Variants in SLC39A3 observed in about 807,000 individuals in gnomAD.
SLC39A3 encodes the protein solute carrier family 39 member 3.
In SLC39A3, 3 loss-of-function variants were observed where a neutral mutation model predicts 5.1. The ratio of observed to expected loss-of-function variants is 0.59; its 90% CI spans 0.27 to 1.54. SLC39A3 has a LOEUF of 1.54. Ranked by LOEUF, SLC39A3 falls within the 40% of genes most tolerant of loss-of-function variation. The pLI is 0.12. For synonymous variants in SLC39A3, 250 were observed against 218.8 expected (o/e 1.14, Z -1.26); for missense variants, 412 against 436.4 (o/e 0.94, Z 0.50).
chr19:2,738,835 G>T (rs1263654786), intron 1 of SLC39A3, among the ~76,000 whole-genome samples: 1 of 152,022 alleles, frequency 6.6e-6, no homozygotes, highest in African/African-American at 2.4e-5. Flanking sequence ...TACTTGGGAG[G>T]CTGAGGCAGG....
At position 2,733,889 on chromosome 19, in the gene SLC39A3, C is replaced by T. The variant is rs1164436799; in HGVS notation, c.211-404G>A. On this transcript the variant is annotated intron_variant, in intron 2 of 2. Transcript: ENST00000269740. The surrounding 1 kb of genome is among the most constrained non-coding windows in gnomAD (Gnocchi z 6.1). ...CCAGGAGGCAGAGGTTGCAGTGAGA[C>T]GAGATCGTGCCACTGCACTCCAGCC... Among the ~76,000 whole-genome samples the T allele has an allele frequency of 6.6e-6, 1 of 152,188 alleles. No homozygotes were observed. Among genetic ancestry groups the T allele is most frequent in the African/African-American group, 2.4e-5 (1 of 41,448 alleles).
Position 2,733,224 on chromosome 19 carries a change from T to C in SLC39A3, c.472A>G (p.Ser158Gly). Reference sequence around the variant, plus strand: ...CTGGCGCGCGAGAGGCCCTGCACGCTCAGGCTGGGGCCGTGGCCGTGGGGC... The same window carrying C: ...CTGGCGCGCGAGAGGCCCTGCACGCCCAGGCTGGGGCCGTGGCCGTGGGGC... The part of the protein sequence containing the change: ...VEPHGHGPSL[S>G]VQGLSRASPV... The change falls in exon 3 of 3, where the codon AGC becomes GGC. Residue 158 changes from serine (S) to glycine (G), a missense_variant. Physicochemically the swap from Ser to Gly is moderately conservative, Grantham distance 56. Coordinates refer to ENST00000269740, the MANE Select transcript of SLC39A3 (RefSeq NM_144564.5). This position sits in a 1 kb window ranked among gnomAD's most constrained non-coding sequence, Gnocchi z 6.1. 6.2e-7 allele frequency: 1 copy of C among 1,607,666 alleles called. No homozygotes were observed. The highest frequency in any genetic ancestry group is 1.1e-5 in the South Asian group (1 of 90,734).
In SLC39A3 at chr19:2,734,636, G is replaced by T. The variant is rs1348982879; in HGVS notation, c.211-1151C>A. On this transcript the variant is annotated intron_variant, in intron 2 of 2. Coordinates refer to ENST00000269740, the MANE Select transcript of SLC39A3 (RefSeq NM_144564.5). This position sits in a 1 kb window ranked among gnomAD's most constrained non-coding sequence, Gnocchi z 4.6. ...GTCCTGGGCACTGCAGGGTGCTGCT[G>T]AGCAGTGTCTCTGGCCTCCACCCAC... 3.0e-6 allele frequency: 2 copies of T among 661,758 alleles called. No homozygotes were observed. The highest frequency in any genetic ancestry group is 3.7e-6 in the Non-Finnish European group (2 of 534,294). 41.0% of individuals were successfully genotyped at this position (661,758 alleles called of 1,614,324 possible). A position where few individuals can be genotyped will look rare whatever the true frequency, so the allele number is the denominator to read the frequency against.
Position 2,737,336 on chromosome 19 carries a change from C to A in SLC39A3, c.-79G>T, listed in dbSNP as rs1054693303. On this transcript the variant is annotated 5_prime_UTR_variant, in exon 2 of 3. Transcript: ENST00000269740. ...ACACCCAAGTCCCACGATGTGCTAC[C>A]GAGCCCAACCACACAGTTGGAGGCT... 1.3e-6 allele frequency: 2 copies of A among 1,507,656 alleles called. No individual in the cohort carries two copies. The highest frequency in any genetic ancestry group is 1.8e-6 in the Non-Finnish European group (2 of 1,122,294). The allele number at this position is 1,507,656 out of a possible 1,614,324, so 93.4% of individuals were successfully genotyped here. A position where few individuals can be genotyped will look rare whatever the true frequency, so the allele number is the denominator to read the frequency against.
In SLC39A3 at chr19:2,733,553, C is replaced by G; in HGVS notation, c.211-68G>C. The G allele has an allele frequency of 6.6e-7, 1 of 1,525,972 alleles. No individual in the cohort carries two copies. The highest frequency in any genetic ancestry group is 8.8e-7 in the Non-Finnish European group (1 of 1,140,042). 94.5% of individuals were successfully genotyped at this position (1,525,972 alleles called of 1,614,324 possible). On this transcript the variant is annotated intron_variant, in intron 2 of 2. Transcript: ENST00000269740. The surrounding 1 kb of genome is among the most constrained non-coding windows in gnomAD (Gnocchi z 6.1). ...CAGGGGTGGCGGCGACAGGGCTGGC[C>G]AGATGTCACCGTTCAAAGCAAAGTC... is the stretch of plus-strand genomic sequence containing the variant.
rs920616873 is a variant in SLC39A3, at chr19:2,734,806, G to C, written c.211-1321C>G. On this transcript the variant is annotated intron_variant, in intron 2 of 2. Transcript: ENST00000269740. The surrounding 1 kb of genome is among the most constrained non-coding windows in gnomAD (Gnocchi z 4.6). ...GGAGAAGCCACTTAACTCCCTCACT[G>C]ACCACCGGCTGGAGGCCTCATGCAT... 1.0e-6 allele frequency: 1 copy of C among 985,398 alleles called. No homozygotes were observed. The highest frequency in any genetic ancestry group is 1.7e-5 in the African/African-American group (1 of 57,256). The allele number at this position is 985,398 out of a possible 1,614,324, so 61.0% of individuals were successfully genotyped here.
Position 2,733,441 on chromosome 19 carries a change from C to T in SLC39A3, c.255G>A (p.Pro85=), listed in dbSNP as rs1036904376. Residue 85 remains proline (P), a synonymous_variant, in exon 3 of 3, where the codon CCG becomes CCA. Transcript: ENST00000269740. The surrounding 1 kb of genome is among the most constrained non-coding windows in gnomAD (Gnocchi z 6.1). ...CCAGCAGGAGGATGGTTTCGGCCAG[C>T]GGGTAGTCGGTGCTGATGTGGCCGA... The part of the protein sequence containing the change: ...LSLGHISTDY[P]LAETILLLGF... 2.2e-5 allele frequency: 35 copies of T among 1,612,690 alleles called. No homozygotes were observed. Among genetic ancestry groups the T allele is most frequent in the Middle Eastern group, 1.6e-4 (1 of 6,084 alleles).
Position 2,733,502 on chromosome 19 carries a change from C to T in SLC39A3, c.211-17G>A, listed in dbSNP as rs1351722470. On this transcript the variant is annotated splice_polypyrimidine_tract_variant and intron_variant, in intron 2 of 2. Transcript: ENST00000269740. This position sits in a 1 kb window ranked among gnomAD's most constrained non-coding sequence, Gnocchi z 6.1. ...CTTCTGGAGCTGCAGCCGGGGACAC[C>T]CGAGAGAGAGAGAGAGACCCACGCT... 6.3e-7 allele frequency: 1 copy of T among 1,597,172 alleles called. No homozygotes were observed. Among genetic ancestry groups the T allele is most frequent in the Middle Eastern group, 1.7e-4 (1 of 5,902 alleles).
rs779207363 is a variant in SLC39A3 at position 2,732,952 on chromosome 19, C to G, written c.744G>C (p.Leu248=). The G allele has an allele frequency of 5.0e-6, 8 of 1,605,084 alleles. No homozygotes were observed. The Admixed American group carries it at 6.8e-5, about 14-fold the overall frequency. ...GCACGCCCTGGGCGCTCTCAATGCC[C>G]AGGCCCAGGCCGATGCCCAGGGGGA... The part of the protein sequence containing the change: ...AMIPLGIGLG[L]GIESAQGVPG... Residue 248 remains leucine, a synonymous_variant, in exon 3 of 3, where the codon CTG becomes CTC. Transcript: ENST00000269740.
Position 2,733,228 on chromosome 19 carries a change from G to A in SLC39A3, c.468C>T (p.Ser156=), listed in dbSNP as rs2144694955. 3 of 1,608,810 alleles carry A rather than the reference G, an allele frequency of 1.9e-6. No individual in the cohort carries two copies. Among genetic ancestry groups the A allele is most frequent in the East Asian group, 2.2e-5 (1 of 44,770 alleles). Residue 156 remains serine (S), a synonymous_variant, in exon 3 of 3, where the codon AGC becomes AGT. Transcript: ENST00000269740. The surrounding 1 kb of genome is among the most constrained non-coding windows in gnomAD (Gnocchi z 6.1). ...CGCGCGAGAGGCCCTGCACGCTCAG[G>A]CTGGGGCCGTGGCCGTGGGGCTCCA... ...LYVEPHGHGP[S]LSVQGLSRAS...
rs745915210 is a variant in SLC39A3, at chr19:2,733,300, C to T, written c.396G>A (p.Glu132=). The T allele has an allele frequency of 3.1e-6, 5 of 1,612,974 alleles. No individual in the cohort carries two copies. In the South Asian group the frequency reaches 5.5e-5, roughly 18 times the overall value. ...CGCCCCCCATGAAGGGGCTCTCATA[C>T]TCCGAGTCGCTGCCCACGTCCGATC... ...NAGSDVGSDS[E]YESPFMGGAR... The change falls in exon 3 of 3, where the codon GAG becomes GAA. Residue 132 remains glutamate (E), a synonymous_variant. Transcript: ENST00000269740. The surrounding 1 kb of genome is among the most constrained non-coding windows in gnomAD (Gnocchi z 6.1).
At position 2,733,986 on chromosome 19, in the gene SLC39A3, C is replaced by T. The variant is rs894064768; in HGVS notation, c.211-501G>A. Among the ~76,000 whole-genome samples the T allele has an allele frequency of 2.6e-5, 4 of 152,196 alleles. No individual in the cohort carries two copies. Among genetic ancestry groups the T allele is most frequent in the African/African-American group, 4.8e-5 (2 of 41,456 alleles). On this transcript the variant is annotated intron_variant, in intron 2 of 2. Coordinates refer to ENST00000269740, the MANE Select transcript of SLC39A3 (RefSeq NM_144564.5). The surrounding 1 kb of genome is among the most constrained non-coding windows in gnomAD (Gnocchi z 6.1). The stretch of plus-strand genomic sequence containing the variant: ...TGCACTGGCCTTGCGTGTTCTGCCG[C>T]GGGGCCTCCTCTCTGCTTCCCTGAC...
In SLC39A3 at chr19:2,739,099, C is replaced by CAAAAAA. The variant is rs76854834; in HGVS notation, c.-123+840_-123+845dup. 6.6e-5 allele frequency among the ~76,000 whole-genome samples: 2 copies of CAAAAAA among 30,330 alleles called. 1 individual carries two copies. Among genetic ancestry groups the CAAAAAA allele is most frequent in the Non-Finnish European group, 1.2e-4 (2 of 16,238 alleles). 19.9% of individuals were successfully genotyped at this position (30,330 alleles called of 152,430 possible). On this transcript the variant is annotated intron_variant, in intron 1 of 2. Coordinates refer to ENST00000269740, the MANE Select transcript of SLC39A3 (RefSeq NM_144564.5). ...TGGGCTGCAGAGCAAGACTCCGTCT[C>CAAAAAA]AAAAAAAAAAAAAAAAAAAAAAAAA...
rs1360991006 is a variant in SLC39A3, at chr19:2,733,784, T to C, written c.211-299A>G. On this transcript the variant is annotated intron_variant, in intron 2 of 2. Coordinates refer to ENST00000269740, the MANE Select transcript of SLC39A3 (RefSeq NM_144564.5). The surrounding 1 kb of genome is among the most constrained non-coding windows in gnomAD (Gnocchi z 6.1). ...TGGGGAAACATGTTTCTACTAAAAA[T>C]ACAAAAATTAGCTGGGCATGGTGGC... Among the ~76,000 whole-genome samples the C allele has an allele frequency of 1.3e-5, 2 of 151,934 alleles. No individual in the cohort carries two copies. The highest frequency in any genetic ancestry group is 4.8e-5 in the African/African-American group (2 of 41,350).
Position 2,735,915 on chromosome 19 carries a change from G to A in SLC39A3, c.210+1133C>T, listed in dbSNP as rs1396210271. ...CTAGGCACGAGGAAAAGCAGGGCCA[G>A]GGGTTGGGGGATAAGCTTAGGGCTT... On this transcript the variant is annotated intron_variant, in intron 2 of 2. Transcript: ENST00000269740. The surrounding 1 kb of genome is among the most constrained non-coding windows in gnomAD (Gnocchi z 5.7). 2 of 985,464 alleles carry A rather than the reference G, an allele frequency of 2.0e-6. No individual in the cohort carries two copies. Among genetic ancestry groups the A allele is most frequent in the Non-Finnish European group, 2.4e-6 (2 of 830,034 alleles). 61.0% of individuals were successfully genotyped at this position (985,464 alleles called of 1,614,324 possible). A position where few individuals can be genotyped will look rare whatever the true frequency, so the allele number is the denominator to read the frequency against.
chr19:2,732,926 G>A lies in SLC39A3; in HGVS notation c.770C>T (p.Pro257Leu), dbSNP rs35594294. 4.3e-5 allele frequency: 70 copies of A among 1,609,616 alleles called. No homozygotes were observed. In the Admixed American group the frequency reaches 4.9e-4, roughly 11 times the overall value. The change falls in exon 3 of 3, where the codon CCG becomes CTG. Residue 257 changes from proline to leucine, a missense_variant. Coordinates refer to ENST00000269740, the MANE Select transcript of SLC39A3 (RefSeq NM_144564.5). Reference protein sequence around the residue: ...GLGIESAQGVPGSVASVLLQG... With the variant: ...GLGIESAQGVLGSVASVLLQG... ...CAGCAGCACGGACGCCACGCTGCCC[G>A]GCACGCCCTGGGCGCTCTCAATGCC...
Position 2,732,933 on chromosome 19 carries a change from C to G in SLC39A3, c.763G>C (p.Gly255Arg). 6.2e-7 allele frequency: 1 copy of G among 1,608,996 alleles called. No homozygotes were observed. Among genetic ancestry groups the G allele is most frequent in the Admixed American group, 1.7e-5 (1 of 59,710 alleles). ...GLGLGIESAQ[G>R]VPGSVASVLL... is the part of the protein sequence containing the mutation. ...ACGGACGCCACGCTGCCCGGCACGC[C>G]CTGGGCGCTCTCAATGCCCAGGCCC... The change falls in exon 3 of 3, where the codon GGC becomes CGC. Residue 255 changes from glycine to arginine, a missense_variant. Physicochemically the swap from Gly to Arg is moderately radical, Grantham distance 125. Coordinates refer to ENST00000269740, the MANE Select transcript of SLC39A3 (RefSeq NM_144564.5).
intron 1 of SLC39A3, among the ~76,000 whole-genome samples, chr19:2,739,039 G>A (rs545917292): frequency 7.0e-6 from 1 of 143,418 alleles, no homozygotes; most frequent in African/African-American, 2.7e-5. Context: ...GGTGGAGCTT[G>A]CAGTGAGCCG....
chr19:2,739,793 A>C (rs1599487825), intron 1 of SLC39A3, among the ~76,000 whole-genome samples, 152 bp downstream of exon 1: 1 of 152,196 alleles, frequency 6.6e-6, no homozygotes, highest in African/African-American at 2.4e-5. Flanking sequence ...TCATTCATTC[A>C]ATCAGCACTT....
Sources: allele counts gnomAD v4.1 joint callset (sites outside exome capture counted in the v4.1 genomes callset), GRCh38; gene constraint gnomAD v4.1.1; non-coding constraint Gnocchi (gnomAD v3.1); transcripts MANE v1.5; gene names NCBI Gene and HGNC (gene_info 2026-07-23, HGNC 2026-07-21).